P2RY12: variants seen among roughly 807,000 people sequenced by gnomAD.
P2RY12 encodes purinergic receptor P2Y12.
P2RY12 carries 3 observed loss-of-function variants against 4.5 expected under a neutral mutation model. The ratio of observed to expected loss-of-function variants is 0.67; its 90% CI spans 0.31 to 1.74. The LOEUF (loss-of-function observed/expected upper bound fraction) is 1.74, where lower values mean the gene tolerates loss of function less well. P2RY12 is among the 40% of genes most tolerant of loss of function. P2RY12 has a pLI of 0.09. For missense variants in P2RY12, 356 were observed against 407.8 expected (o/e 0.87, Z 1.09); for synonymous variants, 148 against 154.1 (o/e 0.96, Z 0.29).
chr3:151,349,852 CTTTTT>C (rs112308445), intron 1 of P2RY12, among the ~76,000 whole-genome samples: 2 of 139,690 alleles, frequency 1.4e-5, no homozygotes, highest in African/African-American at 5.3e-5. Context: ...TCAGTTGACA[CTTTTT>C]TTTTTTTTTT....
chr3:151,368,346 T>C, intron 1 of P2RY12: 3 of 1,120,204 alleles, frequency 2.7e-6, no homozygotes, highest in Non-Finnish European at 4.0e-6. Flanking sequence ...AATTGCCTTC[T>C]TAATTTTTTG....
At chr3:151,373,629 C>T (rs147799248) in intron 1 of P2RY12, among the ~76,000 whole-genome samples, 44 of 152,002 alleles carry the variant, frequency 2.9e-4, no homozygotes, top group African/African-American at 9.9e-4. Flanking sequence ...AAGGAAGAGC[C>T]TGCCCTCCTC....
chr3:151,364,880 C>A, intron 1 of P2RY12: 1 of 799,590 alleles, frequency 1.3e-6, no homozygotes, highest in Non-Finnish European at 2.1e-6. Context: ...TCTAGGAATG[C>A]ATTACAGTTC....
At chr3:151,360,724 A>T in intron 1 of P2RY12, 1 of 906,192 alleles carries the variant, frequency 1.1e-6, no homozygotes, top group Non-Finnish European at 1.7e-6. Flanking sequence ...TCTATTAGGC[A>T]GTAATTTTGA....
intron 1 of P2RY12, among the ~76,000 whole-genome samples, chr3:151,380,810 C>G (rs1343612485): frequency 6.6e-6 from 1 of 152,172 alleles, no homozygotes; most frequent in Non-Finnish European, 1.5e-5. Flanking sequence ...CGTCTCCTAA[C>G]TCTGCCTCAT....
At chr3:151,353,477 A>T (rs957528701) in intron 1 of P2RY12, among the ~76,000 whole-genome samples, 3 of 152,210 alleles carry the variant, frequency 2.0e-5, no homozygotes, top group Non-Finnish European at 2.9e-5. Context: ...TACTGGCCAA[A>T]AGTGGCACAA....
chr3:151,345,605 C>A (rs1354520759), intron 1 of P2RY12, among the ~76,000 whole-genome samples: 1 of 150,412 alleles, frequency 6.6e-6, no homozygotes, highest in Non-Finnish European at 1.5e-5. Context: ...GCAACCTCTG[C>A]CTCCCAGGTT....
At chr3:151,368,815 A>G (rs1560088346) in intron 1 of P2RY12, among the ~76,000 whole-genome samples, 1 of 144,618 alleles carries the variant, frequency 6.9e-6, no homozygotes, top group African/African-American at 2.6e-5. Context: ...AGGCTGGAGT[A>G]CAGTGGTGTG....
At chr3:151,359,461 C>T (rs1230260859) in intron 1 of P2RY12, among the ~76,000 whole-genome samples, 1 of 152,090 alleles carries the variant, frequency 6.6e-6, no homozygotes, top group East Asian at 1.9e-4. Flanking sequence ...TCCTTGGTTC[C>T]ACCTATGGTA....
At chr3:151,346,650 C>A (rs1752581949) in intron 1 of P2RY12, among the ~76,000 whole-genome samples, 2 of 152,094 alleles carry the variant, frequency 1.3e-5, no homozygotes, top group South Asian at 4.1e-4. Context: ...ATTATAGTAT[C>A]TTGTTAATTA....
intron 1 of P2RY12, among the ~76,000 whole-genome samples, chr3:151,370,804 T>C (rs1756083954): frequency 6.6e-6 from 1 of 152,200 alleles, no homozygotes; most frequent in Admixed American, 6.5e-5. Context: ...GAAGTGTGAA[T>C]CTATAAATGA....
At chr3:151,364,467 G>A (rs1755037285) in intron 1 of P2RY12, among the ~76,000 whole-genome samples, 1 of 152,122 alleles carries the variant, frequency 6.6e-6, no homozygotes, top group Non-Finnish European at 1.5e-5. Flanking sequence ...TGAAGACAAG[G>A]AATGTGCCTC....
At chr3:151,355,163 C>T (rs1279512952) in intron 1 of P2RY12, 2 of 1,613,988 alleles carry the variant, frequency 1.2e-6, no homozygotes, top group Admixed American at 1.7e-5. Flanking sequence ...AAACAGGAGA[C>T]ATTTCCAACA....
intron 1 of P2RY12, chr3:151,372,430 A>G (rs967795655): frequency 1.5e-6 from 1 of 652,378 alleles, no homozygotes; most frequent in South Asian, 1.9e-5. Context: ...CATTCTCTCT[A>G]TTCCTGAACA....
At chr3:151,340,111 C>A (rs1751621703) in intron 2 of P2RY12, among the ~76,000 whole-genome samples, 1 of 152,130 alleles carries the variant, frequency 6.6e-6, no homozygotes, top group Non-Finnish European at 1.5e-5. Context: ...CATCTCCTCA[C>A]CTATTTAGCG....
intron 1 of P2RY12, among the ~76,000 whole-genome samples, chr3:151,368,737 T>TCATTTCATG (rs1560087994): frequency 3.4e-4 from 26 of 77,198 alleles, no homozygotes; most frequent in Admixed American, 5.7e-4. Context: ...TTCATTTCAT[T>TCATTTCATG]TCATTTCATT....
chr3:151,384,280 A>G, intron 1 of P2RY12: 2 of 1,416,508 alleles, frequency 1.4e-6, no homozygotes, highest in Non-Finnish European at 9.6e-7. Flanking sequence ...TATCTAGTGC[A>G]TTTTAATTTA....
intron 1 of P2RY12, among the ~76,000 whole-genome samples, chr3:151,368,761 T>TTTCATGTCATTTCA (rs1755798182): frequency 3.9e-5 from 5 of 126,862 alleles, no homozygotes; most frequent in Non-Finnish European, 8.3e-5. Context: ...TGTCATTTCA[T>TTTCATGTCATTTCA]TTTTTTTTTT....
chr3:151,367,179 T>G (rs773935777), intron 1 of P2RY12, among the ~76,000 whole-genome samples: 5 of 152,140 alleles, frequency 3.3e-5, no homozygotes. Flanking sequence ...TTAAAACGAG[T>G]TTAATCATTA....
Sources: gnomAD v4.1 joint callset for allele counts (sites outside exome capture counted in the v4.1 genomes callset) on GRCh38, gnomAD v4.1.1 for gene constraint, MANE v1.5 for transcripts, NCBI Gene and HGNC (gene_info 2026-07-23, HGNC 2026-07-21) for gene names.